Variants in IPP observed in about 807,000 individuals in gnomAD.
IPP encodes the protein actin-binding protein IPP.
In IPP, 41 loss-of-function variants were observed where a neutral mutation model predicts 64.1. That is an observed-to-expected ratio of 0.64 (90% CI 0.50 to 0.83). The LOEUF (loss-of-function observed/expected upper bound fraction) is 0.83. Ranked by LOEUF, IPP falls within the 40% of genes least tolerant of loss-of-function variation. The pLI, the probability that IPP is intolerant of heterozygous loss-of-function variation, is 0.00. For synonymous variants in IPP, 214 were observed against 235.2 expected, an observed-to-expected ratio of 0.91 and a Z score of 0.83; for missense variants, 649 against 703.0, an observed-to-expected ratio of 0.92 and a Z score of 0.87.
Position 45,699,431 on chromosome 1 carries a change from A to G in IPP, c.*535T>C. ...ATATCACATAAAGTTTTATGTTACA[A>G]TTTATACTGCACTGGAGAAGTAGCT... On this transcript the variant is annotated 3_prime_UTR_variant, in exon 9 of 9. Transcript: ENST00000396478. 2 of 986,284 alleles carry G rather than the reference A, an allele frequency of 2.0e-6. No homozygotes were observed. Among genetic ancestry groups the G allele is most frequent in the Non-Finnish European group, 2.4e-6 (2 of 830,374 alleles). 61.1% of individuals were successfully genotyped at this position (986,284 alleles called of 1,614,324 possible).
At chr1:45,749,997 G>A (rs1646198804) in intron 1 of IPP, among the ~76,000 whole-genome samples, 1 of 152,142 alleles carries the variant, frequency 6.6e-6, no homozygotes, top group Non-Finnish European at 1.5e-5. Context: ...AGGCTGCAGT[G>A]AGTTGTGATC....
At chr1:45,729,911 C>G (rs1207413449) in intron 3 of IPP, 142 bp from the exon 4 acceptor site, 1 of 576,746 alleles carries the variant, frequency 1.7e-6, no homozygotes, top group East Asian at 3.1e-5. Context: ...TCCTACAATA[C>G]CAAATATTGG....
In IPP at chr1:45,698,910, C is replaced by T. The variant is rs1275140767; in HGVS notation, c.*1056G>A. On this transcript the variant is annotated 3_prime_UTR_variant, in exon 9 of 9. Transcript: ENST00000396478. ...ATTTTTATATATTTTTTGGTAGAGA[C>T]GGAGTCTCATCACGTTGCCCAGGCT... The T allele has an allele frequency of 3.3e-5, 12 of 367,436 alleles. No homozygotes were observed. The highest frequency in any genetic ancestry group is 1.7e-4 in the East Asian group (1 of 6,026). 22.8% of individuals were successfully genotyped at this position (367,436 alleles called of 1,614,324 possible).
intron 3 of IPP, among the ~76,000 whole-genome samples, chr1:45,731,830 G>A (rs1645909956): frequency 6.6e-6 from 1 of 151,870 alleles, no homozygotes; most frequent in Non-Finnish European, 1.5e-5. Flanking sequence ...CAGCTACTCA[G>A]GAGGCTGAGG....
chr1:45,705,173 A>G (rs1029290936), intron 8 of IPP, among the ~76,000 whole-genome samples: 7 of 152,196 alleles, frequency 4.6e-5, no homozygotes, highest in African/African-American at 1.7e-4. Context: ...GCTAAGCCCA[A>G]TTTGGGGCTC....
intron 1 of IPP, among the ~76,000 whole-genome samples, chr1:45,746,873 A>G (rs1646140794): frequency 2.0e-5 from 3 of 152,182 alleles, no homozygotes; most frequent in South Asian, 2.1e-4. Context: ...AAATCATTCA[A>G]TGTGTACACT....
intron 2 of IPP, among the ~76,000 whole-genome samples, chr1:45,745,578 G>T (rs1046279522): frequency 2.0e-5 from 3 of 151,942 alleles, no homozygotes; most frequent in Admixed American, 1.3e-4. Flanking sequence ...AAAGTCACAG[G>T]CCAGGCGCAG....
rs1207432622 is a variant in IPP, at chr1:45,741,741, G to A, written c.293-409C>T. 4.7e-5 allele frequency among the ~76,000 whole-genome samples: 5 copies of A among 106,168 alleles called. 1 individual carries two copies. Among genetic ancestry groups the A allele is most frequent in the Non-Finnish European group, 1.0e-4 (5 of 49,962 alleles). 69.7% of individuals were successfully genotyped at this position (106,168 alleles called of 152,430 possible). A position where few individuals can be genotyped will look rare whatever the true frequency, so the allele number is the denominator to read the frequency against. ...CCTCCCAGGTTCACGCCATTCTCCT[G>A]CCTCAGCCTCCCGAGTAGCTGGGAC... is the stretch of plus-strand genomic sequence containing the variant. On this transcript the variant is annotated intron_variant, in intron 2 of 8. Coordinates refer to ENST00000396478, the MANE Select transcript of IPP (RefSeq NM_005897.3).
chr1:45,695,873 T>C (rs1645383724), downstream of IPP, among the ~76,000 whole-genome samples: 2 of 152,174 alleles, frequency 1.3e-5, no homozygotes, highest in African/African-American at 4.8e-5. Context: ...TTCTCCATGT[T>C]GGTCAGGCTG....
intron 5 of IPP, among the ~76,000 whole-genome samples, chr1:45,721,410 C>T (rs959816620): frequency 6.6e-6 from 1 of 152,314 alleles, no homozygotes; most frequent in Non-Finnish European, 1.5e-5. Context: ...AAACCTTGGG[C>T]ACTATGTCTC....
At chr1:45,747,121 C>A (rs745623021) in intron 1 of IPP, among the ~76,000 whole-genome samples, 4 of 149,702 alleles carry the variant, frequency 2.7e-5, no homozygotes, top group Non-Finnish European at 4.5e-5. Context: ...CGCACACGAG[C>A]GCGCGCGCGC....
At chr1:45,730,614 G>A (rs1645893788) in intron 3 of IPP, among the ~76,000 whole-genome samples, 1 of 152,214 alleles carries the variant, frequency 6.6e-6, no homozygotes, top group South Asian at 2.1e-4. Context: ...ATGCTTAGCT[G>A]AGGAGGTAAA....
chr1:45,719,090 T>C (rs1009531262), intron 6 of IPP, 113 bp downstream of exon 6: 5 of 898,360 alleles, frequency 5.6e-6, no homozygotes, highest in Non-Finnish European at 6.9e-6. Context: ...ACGCATTATG[T>C]GCCTGTATCT....
Position 45,746,186 on chromosome 1 carries a change from C to G in IPP, c.226G>C (p.Asp76His), listed in dbSNP as rs1437493955. The G allele has an allele frequency of 1.9e-6, 3 of 1,614,168 alleles. No individual in the cohort carries two copies. In the Admixed American group the frequency reaches 5.0e-5, roughly 27 times the overall value. The change falls in exon 2 of 9, where the codon GAT becomes CAT. Residue 76 changes from aspartate (D) to histidine (H), a missense_variant. By Grantham distance (81) the Asp-to-His change is moderately conservative (BLOSUM62 -1). Coordinates refer to ENST00000396478, the MANE Select transcript of IPP (RefSeq NM_005897.3). ...TCAATTCCTAGAATCGGTACAACAT[C>G]TTTTGAGGACTCTTTCATTCCTCCA... ...FTGGMKESSK[D>H]VVPILGIEAG...
At chr1:45,717,566 T>G (rs979785286) in intron 6 of IPP, among the ~76,000 whole-genome samples, 1 of 151,736 alleles carries the variant, frequency 6.6e-6, no homozygotes, top group Non-Finnish European at 1.5e-5. Context: ...AGTGCAGTGG[T>G]GCAATCTCGG....
At position 45,741,007 on chromosome 1, in the gene IPP, T is replaced by C. The variant is rs750315912; in HGVS notation, c.618A>G (p.Gln206=). 19 of 1,613,914 alleles carry C rather than the reference T, an allele frequency of 1.2e-5. No individual in the cohort carries two copies. Among genetic ancestry groups the C allele is most frequent in the East Asian group, 2.2e-5 (1 of 44,892 alleles). The part of the protein sequence containing the change: ...DEYQVFLAAM[Q]WILKDLGKRR... ...TTTTTCCCAAATCTTTCAGAATCCA[T>C]TGCATTGCAGCTAAGAAGACCTGGT... The change falls in exon 3 of 9, where the codon CAA becomes CAG. Residue 206 remains glutamine (Q), a synonymous_variant. Transcript: ENST00000396478.
At position 45,746,350 on chromosome 1, in the gene IPP, T is replaced by C. The variant is rs779096122; in HGVS notation, c.62A>G (p.Gln21Arg). The change falls in exon 2 of 9, where the codon CAA becomes CGA. Residue 21 changes from glutamine (Q) to arginine (R), a missense_variant. Transcript: ENST00000396478. ...CTTATTGATTTGGGCCAAGATGAGT[T>C]GGGCATGTTTATCTGATGAAAAAGG... Reference protein sequence around the residue: ...DSPFSSDKHAQLILAQINKMR... With the variant: ...DSPFSSDKHARLILAQINKMR... The C allele has an allele frequency of 1.1e-5, 18 of 1,613,754 alleles. 1 individual carries two copies. Among genetic ancestry groups the C allele is most frequent in the Middle Eastern group, 3.3e-4 (2 of 6,082 alleles).
At position 45,741,844 on chromosome 1, in the gene IPP, G is replaced by T. The variant is rs1488213482; in HGVS notation, c.293-512C>A. Among the ~76,000 whole-genome samples, 110 of 80,690 alleles carry T rather than the reference G, an allele frequency of 1.4e-3. 19 individuals are homozygous for T. The highest frequency in any genetic ancestry group is 2.5e-3 in the Non-Finnish European group (89 of 34,960). The allele number at this position is 80,690 out of a possible 152,430, so 52.9% of individuals were successfully genotyped here. On this transcript the variant is annotated intron_variant, in intron 2 of 8. Transcript: ENST00000396478. The stretch of plus-strand genomic sequence containing the variant: ...GGGGTTTCACCGTGTTAGCCAAGAT[G>T]GTCTCGATCTCCTGACCTTGTGATC...
chr1:45,749,300 G>C (rs895561888), intron 1 of IPP, among the ~76,000 whole-genome samples: 1 of 152,182 alleles, frequency 6.6e-6, no homozygotes, highest in Non-Finnish European at 1.5e-5. Flanking sequence ...CCCACTGTCA[G>C]TGGAGTAGGA....
Sources: allele counts gnomAD v4.1 joint callset (sites outside exome capture counted in the v4.1 genomes callset), GRCh38; gene constraint gnomAD v4.1.1; transcripts MANE v1.5; gene names NCBI Gene and HGNC (gene_info 2026-07-23, HGNC 2026-07-21).